The following TMEM100 variants were observed in gnomAD, a reference collection of about 807,000 sequenced individuals.
The protein encoded by TMEM100 is transmembrane protein 100.
For missense variants in TMEM100, 137 were observed against 168.2 expected, an observed-to-expected ratio of 0.81 and a Z score of 1.02; for synonymous variants, 61 against 67.1, an observed-to-expected ratio of 0.91 and a Z score of 0.44.
rs1265740648 is a variant in TMEM100 at position 55,719,708 on chromosome 17, C to A, written c.*958G>T. On this transcript the variant is annotated 3_prime_UTR_variant, in exon 2 of 2. Coordinates refer to ENST00000424486, the MANE Select transcript of TMEM100 (RefSeq NM_018286.3). ...CGTTGATTTCCTAATTATAATAGCA[C>A]AGAAATCCTTTAGAATTTAGTAAAC... 6.6e-6 allele frequency: 1 copy of A among 152,100 alleles called. No individual in the cohort carries two copies. Among genetic ancestry groups the A allele is most frequent in the Non-Finnish European group, 1.5e-5 (1 of 68,020 alleles). 9.4% of individuals were successfully genotyped at this position (152,100 alleles called of 1,614,324 possible).
chr17:55,720,661 C>A lies in TMEM100; in HGVS notation c.*5G>T. 6.3e-7 allele frequency: 1 copy of A among 1,594,104 alleles called. No individual in the cohort carries two copies. Among genetic ancestry groups the A allele is most frequent in the Admixed American group, 1.7e-5 (1 of 57,304 alleles). ...GCCCAATGGCCCATTTGGTCGTATT[C>A]AGTCTCAAGCAAACAAGCTTCTCTG... On this transcript the variant is annotated 3_prime_UTR_variant, in exon 2 of 2. Transcript: ENST00000424486.
chr17:55,726,321 G>C, upstream of TMEM100, among the ~76,000 whole-genome samples: 1 of 152,094 alleles, frequency 6.6e-6, no homozygotes, highest in Non-Finnish European at 1.5e-5. Context: ...GGGGAGAGGG[G>C]TCTGGGAGTG....
In TMEM100 at chr17:55,720,432, G is replaced by A; in HGVS notation, c.*234C>T. ...TCCCATGACCCCCAAAGTGTTTCAT[G>A]TAAATAGAAAGCTGATTTTTCAGTC... On this transcript the variant is annotated 3_prime_UTR_variant, in exon 2 of 2. Coordinates refer to ENST00000424486, the MANE Select transcript of TMEM100 (RefSeq NM_018286.3). 1.8e-6 allele frequency: 1 copy of A among 560,742 alleles called. No homozygotes were observed. The highest frequency in any genetic ancestry group is 3.1e-6 in the Non-Finnish European group (1 of 325,120). 34.7% of individuals were successfully genotyped at this position (560,742 alleles called of 1,614,324 possible).
upstream of TMEM100, among the ~76,000 whole-genome samples, chr17:55,726,530 T>G (rs1374945494): frequency 6.6e-6 from 1 of 152,226 alleles, no homozygotes; most frequent in Non-Finnish European, 1.5e-5. Context: ...CATGCCCCCA[T>G]GTGCATTTGA....
At chr17:55,723,845 T>A (rs1039727258), upstream of TMEM100, among the ~76,000 whole-genome samples, 1 of 152,220 alleles carries the variant, frequency 6.6e-6, no homozygotes, top group Non-Finnish European at 1.5e-5. Flanking sequence ...CACATCATAC[T>A]TAAACAATAA....
chr17:55,720,413 G>C lies in TMEM100; in HGVS notation c.*253C>G. On this transcript the variant is annotated 3_prime_UTR_variant, in exon 2 of 2. Transcript: ENST00000424486. ...ACTGTCTAATGCTGTGCACTCCCATGACCCCCAAAGTGTTTCATGTAAATA... is the reference window on the plus strand; with the variant it reads ...ACTGTCTAATGCTGTGCACTCCCATCACCCCCAAAGTGTTTCATGTAAATA... 1 of 514,378 alleles carries C rather than the reference G, an allele frequency of 1.9e-6. No individual in the cohort carries two copies. The highest frequency in any genetic ancestry group is 3.4e-6 in the Non-Finnish European group (1 of 293,468). The allele number at this position is 514,378 out of a possible 1,614,324, so 31.9% of individuals were successfully genotyped here.
chr17:55,728,495 G>A (rs892665688), intron 1 of TMEM100, among the ~76,000 whole-genome samples: 20 of 152,168 alleles, frequency 1.3e-4, no homozygotes, highest in African/African-American at 4.3e-4. Context: ...CATAGGCCTG[G>A]TACCTGCGGA....
chr17:55,731,321 G>A (rs945084222), intron 1 of TMEM100, among the ~76,000 whole-genome samples: 3 of 152,014 alleles, frequency 2.0e-5, no homozygotes, highest in Non-Finnish European at 2.9e-5. Context: ...GTTTTGGATC[G>A]CTTCCACAAT....
chr17:55,720,905 A>G lies in TMEM100; in HGVS notation c.166T>C (p.Cys56Arg). ...ACAACCACAGCAAAGGGGATGATGC[A>G]GCGGTAGCAGGAGAGCTCGGTACCC... ...TGGTELSCYR[C>R]IIPFAVVVFI... The change falls in exon 2 of 2, where the codon TGC becomes CGC. Residue 56 changes from cysteine to arginine, a missense_variant. Cys to Arg is a radical substitution (Grantham distance 180). Transcript: ENST00000424486. 1 of 1,614,248 alleles carries G rather than the reference A, an allele frequency of 6.2e-7. No individual in the cohort carries two copies. The highest frequency in any genetic ancestry group is 8.5e-7 in the Non-Finnish European group (1 of 1,180,042).
At chr17:55,728,817 G>T (rs1246586070) in intron 1 of TMEM100, among the ~76,000 whole-genome samples, 1 of 152,120 alleles carries the variant, frequency 6.6e-6, no homozygotes, top group Admixed American at 6.5e-5. Context: ...GGGGGTAGGG[G>T]GTGGTGGAGG....
upstream of TMEM100, chr17:55,722,952 C>T (rs1212277440): frequency 2.0e-5 from 3 of 151,334 alleles, no homozygotes; most frequent in Non-Finnish European, 4.4e-5. Flanking sequence ...CGTTCTTTTC[C>T]TTGCCAGCAG....
chr17:55,729,689 T>C (rs1040763257), intron 1 of TMEM100, among the ~76,000 whole-genome samples: 1 of 152,116 alleles, frequency 6.6e-6, no homozygotes, highest in Non-Finnish European at 1.5e-5. Context: ...ACACACCAGC[T>C]GTGAGATTGC....
chr17:55,722,356 A>G (rs1316696553), intron 1 of TMEM100, among the ~76,000 whole-genome samples: 1 of 152,224 alleles, frequency 6.6e-6, no homozygotes, highest in Admixed American at 6.5e-5. Context: ...TTCAACTCCA[A>G]ATCAAACCTC....
chr17:55,724,660 G>T (rs1909015804), upstream of TMEM100, among the ~76,000 whole-genome samples: 1 of 152,178 alleles, frequency 6.6e-6, no homozygotes. Context: ...GTACCACTTT[G>T]CCTGCAAGAT....
intron 1 of TMEM100, among the ~76,000 whole-genome samples, chr17:55,722,091 C>T (rs1031351298): frequency 1.5e-4 from 23 of 152,286 alleles, no homozygotes; most frequent in African/African-American, 5.3e-4. Flanking sequence ...CTAAGTATTT[C>T]GTACCTGAAC....
chr17:55,728,800 G>A (rs1567923973), intron 1 of TMEM100, among the ~76,000 whole-genome samples: 1 of 152,184 alleles, frequency 6.6e-6, no homozygotes, highest in African/African-American at 2.4e-5. Context: ...AGGGGTGTGT[G>A]TGTGTAGGGG....
In TMEM100 at chr17:55,721,149, A is replaced by T. The variant is rs1371667470; in HGVS notation, c.-65-14T>A. Reference sequence around the variant, plus strand: ...CCAGGGTGAAAGCTGTGAAGATAACAGGAGATGTCAGCTACATGTATCAGA... The same window carrying T: ...CCAGGGTGAAAGCTGTGAAGATAACTGGAGATGTCAGCTACATGTATCAGA... On this transcript the variant is annotated splice_polypyrimidine_tract_variant and intron_variant, in intron 1 of 1. Coordinates refer to ENST00000424486, the MANE Select transcript of TMEM100 (RefSeq NM_018286.3). The T allele has an allele frequency of 6.7e-7, 1 of 1,482,132 alleles. No homozygotes were observed. Among genetic ancestry groups the T allele is most frequent in the African/African-American group, 1.4e-5 (1 of 71,052 alleles). The allele number at this position is 1,482,132 out of a possible 1,614,324, so 91.8% of individuals were successfully genotyped here. A position where few individuals can be genotyped will look rare whatever the true frequency, so the allele number is the denominator to read the frequency against.
upstream of TMEM100, among the ~76,000 whole-genome samples, chr17:55,723,462 T>C (rs1008284620): frequency 6.6e-6 from 1 of 152,202 alleles, no homozygotes; most frequent in East Asian, 1.9e-4. Context: ...TGTTTACTGC[T>C]TTTGCAAGGA....
chr17:55,730,107 G>T (rs558041401), intron 1 of TMEM100, among the ~76,000 whole-genome samples: 1 of 152,294 alleles, frequency 6.6e-6, no homozygotes, highest in South Asian at 2.1e-4. Flanking sequence ...TGGGCCTCAT[G>T]CAATGGAAGC....
Sources: allele counts gnomAD v4.1 joint callset (sites outside exome capture counted in the v4.1 genomes callset), GRCh38; gene constraint gnomAD v4.1.1; transcripts MANE v1.5; gene names NCBI Gene and HGNC (gene_info 2026-07-23, HGNC 2026-07-21).